Variants in CHN1 observed in about 807,000 individuals in gnomAD.
CHN1 encodes N-chimaerin.
A neutral mutation model predicts 59.5 loss-of-function variants in CHN1; 37 were observed. The observed-to-expected ratio is 0.62, with a 90% CI of 0.48 to 0.82. CHN1 has a LOEUF of 0.82. Ranked by LOEUF, CHN1 falls within the 40% of genes least tolerant of loss-of-function variation. The pLI is 0.00. For synonymous variants in CHN1, 206 were observed against 200.4 expected (o/e 1.03, Z -0.24); for missense variants, 469 against 571.0 (o/e 0.82, Z 1.82).
intron 7 of CHN1, among the ~76,000 whole-genome samples, chr2:174,844,469 A>T (rs1686432727): frequency 6.6e-6 from 1 of 152,202 alleles, no homozygotes; most frequent in African/African-American, 2.4e-5. Flanking sequence ...CAAAAAAGAA[A>T]ACCACCTTGA....
chr2:174,883,528 G>A (rs574324752), intron 5 of CHN1, among the ~76,000 whole-genome samples: 6 of 152,018 alleles, frequency 3.9e-5, no homozygotes, highest in Admixed American at 1.3e-4. Flanking sequence ...TCCTATAATT[G>A]TCAGGCTTCC....
At position 174,886,271 on chromosome 2, in the gene CHN1, A is replaced by G. The variant is rs115105065; in HGVS notation, c.261-8143T>C. On this transcript the variant is annotated intron_variant, in intron 5 of 12. Coordinates refer to ENST00000409900, the MANE Select transcript of CHN1 (RefSeq NM_001822.7). The stretch of plus-strand genomic sequence containing the variant: ...TTTCCATATAAATTACACCATCCTA[A>G]GTATCATATGTGGAATACAATTTAA... Among the ~76,000 whole-genome samples the G allele has an allele frequency of 3.9e-3, 600 of 152,340 alleles. 1 individual carries two copies. Among genetic ancestry groups the G allele is most frequent in the African/African-American group, 0.014 (565 of 41,576 alleles).
intron 5 of CHN1, among the ~76,000 whole-genome samples, chr2:174,895,659 A>G (rs1688197370): frequency 6.6e-6 from 1 of 152,184 alleles, no homozygotes; most frequent in Non-Finnish European, 1.5e-5. Flanking sequence ...AAATCCAAAC[A>G]TATCTCTTCA....
intron 5 of CHN1, among the ~76,000 whole-genome samples, chr2:174,880,731 AAT>A (rs1448473236): frequency 1.3e-5 from 2 of 152,156 alleles, no homozygotes; most frequent in African/African-American, 4.8e-5. Flanking sequence ...GGTCAATACA[AAT>A]ACACAAAGTG....
At chr2:174,918,914 C>T (rs1688924558) in intron 3 of CHN1, among the ~76,000 whole-genome samples, 1 of 152,100 alleles carries the variant, frequency 6.6e-6, no homozygotes, top group Admixed American at 6.6e-5. Flanking sequence ...CAGCTTTCTC[C>T]CCCATCCTCC....
chr2:175,005,233 G>T lies in CHN1; in HGVS notation c.-321C>A, dbSNP rs1184017543. On this transcript the variant is annotated 5_prime_UTR_variant, in exon 1 of 13. Transcript: ENST00000409900. ...GCGAGGCAGGAGGCTTGGCCGCGGC[G>T]CAGTGGCTGGCGGAGAGGCGGCGCC... 1 of 1,186,836 alleles carries T rather than the reference G, an allele frequency of 8.4e-7. No individual in the cohort carries two copies. The highest frequency in any genetic ancestry group is 1.0e-6 in the Non-Finnish European group (1 of 956,934). 73.5% of individuals were successfully genotyped at this position (1,186,836 alleles called of 1,614,324 possible).
rs961147781 is a variant in CHN1 at position 174,804,254 on chromosome 2, C to T, written c.1103-2442G>A. On this transcript the variant is annotated intron_variant, in intron 11 of 12. Coordinates refer to ENST00000409900, the MANE Select transcript of CHN1 (RefSeq NM_001822.7). Reference sequence around the variant, plus strand: ...ATGCAGAGATCCTGAGGGGAGAGTACGCCTATAATGTTTGAGGAAAAGTGG... The same window carrying T: ...ATGCAGAGATCCTGAGGGGAGAGTATGCCTATAATGTTTGAGGAAAAGTGG... 3.3e-5 allele frequency among the ~76,000 whole-genome samples: 5 copies of T among 151,914 alleles called. No individual in the cohort carries two copies. The East Asian group carries it at 5.8e-4, about 18-fold the overall frequency.
At chr2:174,847,641 T>C (rs1686572421) in intron 6 of CHN1, 1 of 1,323,002 alleles carries the variant, frequency 7.6e-7, no homozygotes, top group Non-Finnish European at 1.0e-6. Flanking sequence ...AAGGCTGCAT[T>C]AGATTGGCCA....
Position 175,005,344 on chromosome 2 carries a change from C to T in CHN1, c.-432G>A. ...CGGGGCGCGCTCACTCCGCATCCCG[C>T]GGCCTCGCAGACGCCATCTTGCGAT... On this transcript the variant is annotated 5_prime_UTR_variant, in exon 1 of 13. Transcript: ENST00000409900. The T allele has an allele frequency of 3.5e-6, 4 of 1,154,936 alleles. No individual in the cohort carries two copies. The highest frequency in any genetic ancestry group is 3.3e-6 in the Non-Finnish European group (3 of 920,812). 71.5% of individuals were successfully genotyped at this position (1,154,936 alleles called of 1,614,324 possible). A position where few individuals can be genotyped will look rare whatever the true frequency, so the allele number is the denominator to read the frequency against.
chr2:174,902,681 C>G (rs1688424698), intron 5 of CHN1, among the ~76,000 whole-genome samples: 1 of 152,152 alleles, frequency 6.6e-6, no homozygotes, highest in South Asian at 2.1e-4. Context: ...CTGAACCTAT[C>G]ATGAGCTATC....
At chr2:174,853,414 A>G (rs1048287301) in intron 6 of CHN1, among the ~76,000 whole-genome samples, 16 of 152,222 alleles carry the variant, frequency 1.1e-4, no homozygotes, top group Non-Finnish European at 4.4e-5. Context: ...CACACCAGTC[A>G]GAAATGCTAT....
intron 3 of CHN1, among the ~76,000 whole-genome samples, 174 bp from the exon 4 acceptor site, chr2:174,918,739 T>C (rs539398196): frequency 6.6e-6 from 1 of 152,326 alleles, no homozygotes; most frequent in South Asian, 2.1e-4. Context: ...GACTGGTCAC[T>C]TCATCTCTCC....
intron 5 of CHN1, among the ~76,000 whole-genome samples, chr2:174,910,757 G>T (rs113860829): frequency 6.6e-6 from 1 of 151,908 alleles, no homozygotes; most frequent in Non-Finnish European, 1.5e-5. Flanking sequence ...AAAATTAGCC[G>T]GGCGCAGTGG....
chr2:174,954,571 T>C (rs1690127176), intron 1 of CHN1, among the ~76,000 whole-genome samples: 1 of 152,106 alleles, frequency 6.6e-6, no homozygotes, highest in Non-Finnish European at 1.5e-5. Context: ...ATCCAGAATC[T>C]ACAAGGAACT....
At chr2:174,828,029 G>A (rs1410167669) in intron 7 of CHN1, among the ~76,000 whole-genome samples, 2 of 152,158 alleles carry the variant, frequency 1.3e-5, no homozygotes, top group African/African-American at 4.8e-5. Context: ...CTGAATACAA[G>A]GAAAATCACT....
intron 1 of CHN1, among the ~76,000 whole-genome samples, chr2:174,955,620 C>G: frequency 6.6e-6 from 1 of 151,338 alleles, no homozygotes; most frequent in East Asian, 1.9e-4. Context: ...ACCTAAAAAT[C>G]TATAGAAATA....
At chr2:174,826,528 G>C (rs770223702) in intron 7 of CHN1, among the ~76,000 whole-genome samples, 1 of 152,182 alleles carries the variant, frequency 6.6e-6, no homozygotes, top group African/African-American at 2.4e-5. Context: ...TGCAATGAAA[G>C]TATGAAGGAA....
chr2:174,987,607 T>C (rs957940049), intron 1 of CHN1, among the ~76,000 whole-genome samples: 4 of 152,068 alleles, frequency 2.6e-5, no homozygotes, highest in Admixed American at 2.0e-4. Context: ...AGCTAATTTT[T>C]GTATTTGTAG....
intron 1 of CHN1, among the ~76,000 whole-genome samples, chr2:174,967,051 C>G (rs73973658): frequency 6.6e-6 from 1 of 152,082 alleles, no homozygotes; most frequent in African/African-American, 2.4e-5. Flanking sequence ...CTGCATCTCA[C>G]GTCTAAAATG....
Sources: allele counts gnomAD v4.1 joint callset (sites outside exome capture counted in the v4.1 genomes callset), GRCh38; gene constraint gnomAD v4.1.1; transcripts MANE v1.5; gene names NCBI Gene and HGNC (gene_info 2026-07-23, HGNC 2026-07-21).